PARPBP: variants seen among roughly 807,000 people sequenced by gnomAD.
The protein encoded by PARPBP is PCNA-interacting partner.
Under a neutral mutation model 50.0 loss-of-function variants are expected in PARPBP, and 52 were observed. The observed-to-expected ratio is 1.04, with a 90% CI of 0.83 to 1.31. The LOEUF is 1.31. Ranked by LOEUF, PARPBP falls within the 50% of genes most tolerant of loss-of-function variation. The probability of loss-of-function intolerance (pLI) is 0.00; values close to 1 mark genes in which losing one functional copy is unlikely to be tolerated. For missense variants in PARPBP, 697 were observed against 672.0 expected (o/e 1.04, Z -0.41); for synonymous variants, 244 against 232.1 (o/e 1.05, Z -0.47).
In PARPBP at chr12:102,145,383, G is replaced by A. The variant is rs1047316476; in HGVS notation, c.154-2847G>A. ...TATTACATTTCATAAATCATATCTG[G>A]ATACTTAAAAATATTTAGTACTCAT... On this transcript the variant is annotated intron_variant, in intron 2 of 10. Transcript: ENST00000327680. Among the ~76,000 whole-genome samples the A allele has an allele frequency of 2.0e-4, 30 of 151,990 alleles. 1 individual carries two copies. The highest frequency in any genetic ancestry group is 2.1e-4 in the South Asian group (1 of 4,824).
At chr12:102,134,238 C>CAAAAAAAAAAAAAA in intron 2 of PARPBP, among the ~76,000 whole-genome samples, 1 of 91,332 alleles carries the variant, frequency 1.1e-5, no homozygotes, top group South Asian at 3.7e-4. Flanking sequence ...AGAGAAGCCT[C>CAAAAAAAAAAAAAA]AAAAAAAAAA....
rs951390539 is a variant in PARPBP, at chr12:102,123,938, G to A, written c.50G>A (p.Arg17Gln). The change falls in exon 2 of 11, where the codon CGA becomes CAA. Residue 17 changes from arginine (R) to glutamine (Q), a missense_variant. Coordinates refer to ENST00000327680, the MANE Select transcript of PARPBP (RefSeq NM_017915.5). ...KSVSDMIKEFRKNWRALCNSE... is the reference protein window; with the variant it reads ...KSVSDMIKEFQKNWRALCNSE... Reference sequence around the variant, plus strand: ...GTCTCGGATATGATTAAAGAGTTTCGAAAAAATTGGCGTGCTCTTTGTAAC... The same window carrying A: ...GTCTCGGATATGATTAAAGAGTTTCAAAAAAATTGGCGTGCTCTTTGTAAC... 5.2e-6 allele frequency: 8 copies of A among 1,534,966 alleles called. No individual in the cohort carries two copies. Among genetic ancestry groups the A allele is most frequent in the Middle Eastern group, 1.7e-4 (1 of 5,988 alleles).
At chr12:102,161,549 C>T (rs375278356) in intron 4 of PARPBP, among the ~76,000 whole-genome samples, 53 of 152,158 alleles carry the variant, frequency 3.5e-4, no homozygotes, top group African/African-American at 1.0e-3. Flanking sequence ...TACTATAATG[C>T]GAGTCATTCT....
At chr12:102,152,713 A>C (rs1299969140) in intron 3 of PARPBP, among the ~76,000 whole-genome samples, 1 of 151,860 alleles carries the variant, frequency 6.6e-6, no homozygotes, top group Non-Finnish European at 1.5e-5. Flanking sequence ...ATTGCATAAC[A>C]TTGAGATAAA....
At chr12:102,148,119 T>A (rs556815499) in intron 2 of PARPBP, 111 bp from the exon 3 acceptor site, 1 of 516,154 alleles carries the variant, frequency 1.9e-6, no homozygotes, top group Middle Eastern at 4.7e-4. Context: ...CCACAAAAAT[T>A]GAATGTAGAC....
chr12:102,168,301 T>C (rs1888353798), intron 6 of PARPBP, among the ~76,000 whole-genome samples: 1 of 152,172 alleles, frequency 6.6e-6, no homozygotes, highest in South Asian at 2.1e-4. Flanking sequence ...AGAAGTACAT[T>C]TGTTTTAGAG....
At chr12:102,149,661 A>C (rs1032806109) in intron 3 of PARPBP, among the ~76,000 whole-genome samples, 6 of 152,226 alleles carry the variant, frequency 3.9e-5, no homozygotes, top group African/African-American at 9.7e-5. Context: ...ATCTTGCCAG[A>C]ATAAAAACAA....
chr12:102,129,830 T>C (rs1479838414), intron 2 of PARPBP, among the ~76,000 whole-genome samples: 1 of 152,184 alleles, frequency 6.6e-6, no homozygotes, highest in Non-Finnish European at 1.5e-5. Flanking sequence ...AAGCAATTTA[T>C]ATATTTAATG....
At chr12:102,171,389 T>C (rs1180542323) in intron 6 of PARPBP, among the ~76,000 whole-genome samples, 2 of 152,098 alleles carry the variant, frequency 1.3e-5, no homozygotes, top group African/African-American at 2.4e-5. Context: ...CACTAGGCAA[T>C]AGGAATTTTT....
At chr12:102,188,070 C>T (rs1890463790) in intron 9 of PARPBP, among the ~76,000 whole-genome samples, 17 of 152,034 alleles carry the variant, frequency 1.1e-4, no homozygotes, top group Admixed American at 1.1e-3. Context: ...AGAGAAACCA[C>T]CAAAGTGTTT....
At chr12:102,158,154 CTTCTAA>C (rs1182004209) in intron 4 of PARPBP, among the ~76,000 whole-genome samples, 2 of 148,200 alleles carry the variant, frequency 1.3e-5, no homozygotes, top group Admixed American at 6.7e-5. Context: ...GAATAGTGAG[CTTCTAA>C]TTCTGTTATG....
intron 9 of PARPBP, among the ~76,000 whole-genome samples, chr12:102,183,650 G>A (rs1890044573): frequency 1.3e-5 from 2 of 151,998 alleles, no homozygotes; most frequent in African/African-American, 4.8e-5. Context: ...CATTGGACTT[G>A]GATAGAAACA....
At chr12:102,147,083 G>C (rs1453054430) in intron 2 of PARPBP, among the ~76,000 whole-genome samples, 1 of 152,158 alleles carries the variant, frequency 6.6e-6, no homozygotes, top group Admixed American at 6.5e-5. Flanking sequence ...TGCTGGAGAG[G>C]ATGTGGAAAA....
chr12:102,148,510 C>T (rs370115747), intron 3 of PARPBP, 47 bp downstream of exon 3: 2 of 729,094 alleles, frequency 2.7e-6, no homozygotes, highest in African/African-American at 3.7e-5. Flanking sequence ...TAAAATTTAG[C>T]TCTATTTATT....
intron 4 of PARPBP, among the ~76,000 whole-genome samples, chr12:102,162,574 A>C (rs1290559414): frequency 6.6e-6 from 1 of 152,210 alleles, no homozygotes; most frequent in Non-Finnish European, 1.5e-5. Flanking sequence ...TATTCCCAGC[A>C]CTTTTGGAGG....
At chr12:102,146,043 C>T (rs1314103560) in intron 2 of PARPBP, among the ~76,000 whole-genome samples, 1 of 152,078 alleles carries the variant, frequency 6.6e-6, no homozygotes, top group Non-Finnish European at 1.5e-5. Context: ...GAACTACAAA[C>T]CACTGCTCAA....
At chr12:102,144,133 A>C (rs1885042799) in intron 2 of PARPBP, among the ~76,000 whole-genome samples, 1 of 152,230 alleles carries the variant, frequency 6.6e-6, no homozygotes, top group East Asian at 1.9e-4. Flanking sequence ...ACTCAAGGTC[A>C]CATAGCCCAT....
intron 4 of PARPBP, 83 bp downstream of exon 4, chr12:102,154,059 T>C: frequency 1.2e-6 from 1 of 810,190 alleles, no homozygotes; most frequent in Admixed American, 2.3e-5. Flanking sequence ...AAGTTACTAA[T>C]GCTTTGTAAA....
intron 2 of PARPBP, among the ~76,000 whole-genome samples, chr12:102,126,167 G>C (rs1382081991): frequency 6.6e-6 from 1 of 152,120 alleles, no homozygotes; most frequent in African/African-American, 2.4e-5. Flanking sequence ...GAGCAGAAAG[G>C]GTTCCTGATT....
Sources: gnomAD v4.1 joint callset for allele counts (sites outside exome capture counted in the v4.1 genomes callset) on GRCh38, gnomAD v4.1.1 for gene constraint, MANE v1.5 for transcripts, NCBI Gene and HGNC (gene_info 2026-07-23, HGNC 2026-07-21) for gene names.